Variants in ZNF850 observed in about 807,000 individuals in gnomAD.
The protein encoded by ZNF850 is putative zinc finger protein ENSP00000330994.
Under a neutral mutation model 11.9 loss-of-function variants are expected in ZNF850, and 2 were observed. The observed-to-expected ratio is 0.17, with a 90% confidence interval of 0.07 to 0.53. ZNF850 has a LOEUF of 0.53. Among genes scored for constraint, ZNF850 ranks in the 20% least tolerant of loss-of-function variants. ZNF850 has a pLI of 0.94. For synonymous variants in ZNF850, 381 were observed against 443.0 expected (o/e 0.86, Z 1.76); for missense variants, 1,014 against 1,316.4 (o/e 0.77, Z 3.55).
intron 1 of ZNF850, among the ~76,000 whole-genome samples, chr19:36,770,685 G>A (rs2040575492): frequency 8.9e-6 from 1 of 111,848 alleles, no homozygotes; most frequent in Admixed American, 1.3e-4. Context: ...CAGTCTGGGC[G>A]ACAGAGAGAG....
chr19:36,765,006 C>A (rs184643727), intron 1 of ZNF850, among the ~76,000 whole-genome samples: 1 of 151,964 alleles, frequency 6.6e-6, no homozygotes, highest in Non-Finnish European at 1.5e-5. Flanking sequence ...TTCTAACTTG[C>A]CCCCTGTATT....
intron 4 of ZNF850, among the ~76,000 whole-genome samples, chr19:36,753,486 G>A (rs1252913853): frequency 2.1e-5 from 3 of 143,762 alleles, no homozygotes; most frequent in African/African-American, 5.2e-5. Context: ...TCAGGTACTC[G>A]GGAGGCTAAG....
At chr19:36,752,083 C>A (rs1297420908) in intron 4 of ZNF850, among the ~76,000 whole-genome samples, 1 of 152,046 alleles carries the variant, frequency 6.6e-6, no homozygotes, top group Non-Finnish European at 1.5e-5. Flanking sequence ...AAAAATGAAT[C>A]ATTGAAACTT....
rs1322037287 is a variant in ZNF850 at position 36,748,442 on chromosome 19, C to T, written c.2598G>A (p.Glu866=). ...LIEHQRIHTG[E]KPYHCKECGK... is the part of the protein sequence containing the mutation. ...CACATTCCTTACAATGATAGGGTTT[C>T]TCACCAGTGTGAATTCGCTGATGTT... The change falls in exon 5 of 5, where the codon GAG becomes GAA. Residue 866 remains glutamate (E), a synonymous_variant. Coordinates refer to ENST00000591344, the MANE Select transcript of ZNF850 (RefSeq NM_001193552.2). 2 of 1,557,834 alleles carry T rather than the reference C, an allele frequency of 1.3e-6. No homozygotes were observed. Among genetic ancestry groups the T allele is most frequent in the Non-Finnish European group, 1.7e-6 (2 of 1,156,868 alleles).
chr19:36,770,565 G>A (rs2040574756), intron 1 of ZNF850, among the ~76,000 whole-genome samples: 1 of 151,846 alleles, frequency 6.6e-6, no homozygotes, highest in Non-Finnish European at 1.5e-5. Flanking sequence ...AATTAGCCGG[G>A]CGTGGTGGCG....
chr19:36,744,237 G>C lies in ZNF850; in HGVS notation c.*3530C>G, dbSNP rs1475643364. 1 of 151,172 alleles carries C rather than the reference G, an allele frequency of 6.6e-6. No homozygotes were observed. The highest frequency in any genetic ancestry group is 1.5e-5 in the Non-Finnish European group (1 of 67,908). The allele number at this position is 151,172 out of a possible 1,614,324, so 9.4% of individuals were successfully genotyped here. A position where few individuals can be genotyped will look rare whatever the true frequency, so the allele number is the denominator to read the frequency against. On this transcript the variant is annotated 3_prime_UTR_variant, in exon 5 of 5. Transcript: ENST00000591344. ...CATCTTTGGTCAATAAGAATATACA[G>C]GTGATCTTTCTGTCTTCATTGTGCT...
chr19:36,752,846 C>T (rs1433026058), intron 4 of ZNF850, among the ~76,000 whole-genome samples: 1 of 152,088 alleles, frequency 6.6e-6, no homozygotes, highest in Non-Finnish European at 1.5e-5. Flanking sequence ...CATTTGTCTT[C>T]CTGAAAGTAA....
At position 36,763,692 on chromosome 19, in the gene ZNF850, G is replaced by T. The variant is rs1600614827; in HGVS notation, c.-69-1017C>A. On this transcript the variant is annotated intron_variant, in intron 1 of 4. Coordinates refer to ENST00000591344, the MANE Select transcript of ZNF850 (RefSeq NM_001193552.2). ...ACCTGTAATCACAGCACTTTGGGAG[G>T]CCAAGGCAGATGAATTGCTTGAGCT... Among the ~76,000 whole-genome samples, 3 of 152,300 alleles carry T rather than the reference G, an allele frequency of 2.0e-5. No homozygotes were observed. The East Asian group carries it at 5.8e-4, about 29-fold the overall frequency.
chr19:36,762,213 A>G (rs2040523234), intron 3 of ZNF850, 92 bp downstream of exon 3: 2 of 1,166,518 alleles, frequency 1.7e-6, no homozygotes, highest in Admixed American at 2.9e-5. Context: ...ACAAAACACA[A>G]AACAATTCCC....
chr19:36,761,799 A>C, intron 3 of ZNF850, 61 bp from the exon 4 acceptor site: 1 of 957,636 alleles, frequency 1.0e-6, no homozygotes. Flanking sequence ...TAATCCCAGC[A>C]CTTTGGGAGA....
intron 4 of ZNF850, among the ~76,000 whole-genome samples, chr19:36,751,065 T>TTA (rs2040451046): frequency 1.1e-5 from 1 of 89,434 alleles, no homozygotes; most frequent in African/African-American, 4.4e-5. Flanking sequence ...GACCCTGTCT[T>TTA]AAAAAAAAAA....
rs577173072 is a variant in ZNF850, at chr19:36,762,231, C to T, written c.139+74G>A. The T allele has an allele frequency of 1.0e-5, 13 of 1,285,750 alleles. No homozygotes were observed. The East Asian group carries it at 2.5e-4, about 25-fold the overall frequency. 79.6% of individuals were successfully genotyped at this position (1,285,750 alleles called of 1,614,324 possible). ...AAACACAAAACAATTCCCTAGGCAA[C>T]AGGTGAAAAGTCACCCAGACAATTG... On this transcript the variant is annotated intron_variant, in intron 3 of 4. Transcript: ENST00000591344.
At chr19:36,766,796 G>A (rs2040551600) in intron 1 of ZNF850, among the ~76,000 whole-genome samples, 2 of 152,158 alleles carry the variant, frequency 1.3e-5, no homozygotes, top group Admixed American at 1.3e-4. Context: ...TTGGGGAACT[G>A]TGTCCTTCAA....
chr19:36,767,795 CAAA>C (rs2040557726), intron 1 of ZNF850, among the ~76,000 whole-genome samples: 1 of 150,240 alleles, frequency 6.7e-6, no homozygotes, highest in Non-Finnish European at 1.5e-5. Context: ...TCCAAAAAAA[CAAA>C]AATGGAGTGA....
At position 36,748,984 on chromosome 19, in the gene ZNF850, T is replaced by A; in HGVS notation, c.2056A>T (p.Thr686Ser). Residue 686 changes from threonine (T) to serine (S), a missense_variant, in exon 5 of 5, where the codon ACA (threonine) becomes TCA (serine). Thr to Ser is a moderately conservative substitution (Grantham distance 58). Around this residue, in one of 2 missense-constraint regions of ZNF850, gnomAD observed 835 missense variants for 1,022.0 expected, o/e 0.82. Transcript: ENST00000591344. ...PDCGKAFRQR[T>S]YLNQHRRIHT... is the part of the protein sequence containing the mutation. ...ATTCTCCGATGTTGATTAAGGTATG[T>A]ACGCTGTCTAAAGGCCTTCCCACAG... The A allele has an allele frequency of 6.2e-7, 1 of 1,603,682 alleles. No homozygotes were observed. Among genetic ancestry groups the A allele is most frequent in the Non-Finnish European group, 8.5e-7 (1 of 1,175,964 alleles).
chr19:36,770,703 C>CAAAAA (rs567709722), intron 1 of ZNF850, among the ~76,000 whole-genome samples: 816 of 66,460 alleles, frequency 0.012, 183 homozygotes, highest in Non-Finnish European at 0.018. Flanking sequence ...GAGACTCCAT[C>CAAAAA]AAAAAAAAAA....
At chr19:36,753,519 G>A (rs2145958898) in intron 4 of ZNF850, among the ~76,000 whole-genome samples, 1 of 150,086 alleles carries the variant, frequency 6.7e-6, no homozygotes, top group South Asian at 2.1e-4. Context: ...CCTGAGCCCG[G>A]AAAGTCAATG....
intron 4 of ZNF850, among the ~76,000 whole-genome samples, chr19:36,757,900 C>A (rs2040496482): frequency 1.3e-5 from 2 of 152,074 alleles, no homozygotes. Context: ...CAGCTCACTG[C>A]AGCCTTGAAC....
chr19:36,764,965 C>T (rs1398923557), intron 1 of ZNF850, among the ~76,000 whole-genome samples: 23 of 152,068 alleles, frequency 1.5e-4, no homozygotes, highest in Non-Finnish European at 3.1e-4. Context: ...GGATTACAGG[C>T]GTGAGCCACC....
Sources: gnomAD v4.1 joint callset for allele counts (sites outside exome capture counted in the v4.1 genomes callset) on GRCh38, gnomAD v4.1.1 for gene constraint, gnomAD v4.1.1 regional missense constraint, MANE v1.5 for transcripts, NCBI Gene and HGNC (gene_info 2026-07-23, HGNC 2026-07-21) for gene names.